The following TBC1D8 variants were observed in gnomAD, a reference collection of about 807,000 sequenced individuals.
The protein encoded by TBC1D8 is TBC1 domain family member 8.
Under a neutral mutation model 118.8 loss-of-function variants are expected in TBC1D8, and 65 were observed. The observed-to-expected ratio is 0.55, with a 90% CI of 0.45 to 0.67. TBC1D8 has a LOEUF of 0.67. Among genes scored for constraint, TBC1D8 ranks in the 30% least tolerant of loss-of-function variants. The probability of loss-of-function intolerance (pLI) is 0.00; values close to 1 mark genes in which losing one functional copy is unlikely to be tolerated. For synonymous variants in TBC1D8, 566 were observed against 595.8 expected, an observed-to-expected ratio of 0.95 and a Z score of 0.73; for missense variants, 1,376 against 1,471.2, an observed-to-expected ratio of 0.94 and a Z score of 1.06.
intron 1 of TBC1D8, among the ~76,000 whole-genome samples, chr2:101,108,538 C>T (rs1458069097): frequency 6.6e-6 from 1 of 152,164 alleles, no homozygotes; most frequent in Non-Finnish European, 1.5e-5. Flanking sequence ...TGCGCGTCTC[C>T]GAGGTCTGCT....
At chr2:101,108,107 G>T (rs563276276) in intron 1 of TBC1D8, among the ~76,000 whole-genome samples, 1 of 151,650 alleles carries the variant, frequency 6.6e-6, no homozygotes, top group South Asian at 2.1e-4. Flanking sequence ...GGGGAGGGGA[G>T]GGGAGAATGT....
intron 1 of TBC1D8, among the ~76,000 whole-genome samples, chr2:101,135,558 T>C (rs1426364438): frequency 1.3e-5 from 2 of 152,218 alleles, no homozygotes; most frequent in South Asian, 4.1e-4. Context: ...GTTGGCGTTA[T>C]GGAGTAGGTC....
intron 17 of TBC1D8, among the ~76,000 whole-genome samples, chr2:101,020,842 A>G (rs1679986907): frequency 1.3e-5 from 2 of 152,112 alleles, no homozygotes; most frequent in Admixed American, 6.5e-5. Context: ...GTATCTGCAC[A>G]AGGTCTACAC....
At chr2:101,023,076 C>T (rs1048098661) in intron 15 of TBC1D8, among the ~76,000 whole-genome samples, 17 of 151,700 alleles carry the variant, frequency 1.1e-4, no homozygotes, top group African/African-American at 3.1e-4. Context: ...ACTCCGGAGG[C>T]GGAGGTTGCA....
At chr2:101,047,237 G>A (rs1681766134) in intron 5 of TBC1D8, among the ~76,000 whole-genome samples, 1 of 152,126 alleles carries the variant, frequency 6.6e-6, no homozygotes, top group South Asian at 2.1e-4. Flanking sequence ...ATCAACCGAG[G>A]GTGACAATGC....
intron 14 of TBC1D8, 49 bp downstream of exon 14, chr2:101,027,999 G>A (rs754249221): frequency 1.3e-6 from 2 of 1,565,088 alleles, no homozygotes; most frequent in Non-Finnish European, 1.8e-6. Flanking sequence ...GCACTCCCAG[G>A]TTGGCTCCCC....
At chr2:101,105,411 A>T (rs1307081966) in intron 1 of TBC1D8, among the ~76,000 whole-genome samples, 1 of 151,948 alleles carries the variant, frequency 6.6e-6, no homozygotes, top group Non-Finnish European at 1.5e-5. Context: ...CAACATGGCG[A>T]AACCCTGTCT....
chr2:101,120,265 T>A (rs1393235610), intron 1 of TBC1D8, among the ~76,000 whole-genome samples: 1 of 152,198 alleles, frequency 6.6e-6, no homozygotes. Flanking sequence ...AAACCATCTC[T>A]CATGTGCCCG....
chr2:101,095,267 A>ATTATTATTATTAT (rs1278439167), intron 1 of TBC1D8, among the ~76,000 whole-genome samples: 3 of 149,904 alleles, frequency 2.0e-5, no homozygotes, highest in African/African-American at 2.4e-5. Flanking sequence ...TATTATTATT[A>ATTATTATTATTAT]TACTTTAAGT....
chr2:101,010,881 CAAAAAA>C (rs35511736), intron 19 of TBC1D8, 42 bp downstream of exon 19: 1 of 1,305,920 alleles, frequency 7.7e-7, no homozygotes, highest in African/African-American at 1.8e-5. Flanking sequence ...GACTCCATCT[CAAAAAA>C]AAAAAAAAAA....
At position 101,007,974 on chromosome 2, in the gene TBC1D8, A is replaced by G; in HGVS notation, c.3315T>C (p.Ala1105=). 1 of 1,614,030 alleles carries G rather than the reference A, an allele frequency of 6.2e-7. No homozygotes were observed. Among genetic ancestry groups the G allele is most frequent in the Non-Finnish European group, 8.5e-7 (1 of 1,179,892 alleles). Residue 1105 remains alanine, a synonymous_variant, in exon 20 of 20, where the codon GCT becomes GCC. Transcript: ENST00000409318. ...CTAATGACTGTTCAGTCAGAAGTGAAGCTAAAATATGTTCAAGGGAGACAG... is the reference window on the plus strand; with the variant it reads ...CTAATGACTGTTCAGTCAGAAGTGAGGCTAAAATATGTTCAAGGGAGACAG... ...DWTVSLEHIL[A]SLLTEQSLVN... is the part of the protein sequence containing the mutation.
intron 8 of TBC1D8, among the ~76,000 whole-genome samples, chr2:101,036,798 C>T (rs1478725804): frequency 6.6e-6 from 1 of 152,166 alleles, no homozygotes; most frequent in Non-Finnish European, 1.5e-5. Flanking sequence ...TCTGTATTCT[C>T]CAGTAATGGC....
chr2:101,075,415 A>C (rs1256429111), intron 2 of TBC1D8, among the ~76,000 whole-genome samples: 1 of 151,744 alleles, frequency 6.6e-6, no homozygotes, highest in Non-Finnish European at 1.5e-5. Flanking sequence ...AATGTCATAG[A>C]AGTCACAGGA....
In TBC1D8 at chr2:101,007,240, G is replaced by C. The variant is rs921218410; in HGVS notation, c.*581C>G. 3 of 152,122 alleles carry C rather than the reference G, an allele frequency of 2.0e-5. No homozygotes were observed. The highest frequency in any genetic ancestry group is 2.9e-5 in the Non-Finnish European group (2 of 68,026). The allele number at this position is 152,122 out of a possible 1,614,324, so 9.4% of individuals were successfully genotyped here. A position where few individuals can be genotyped will look rare whatever the true frequency, so the allele number is the denominator to read the frequency against. On this transcript the variant is annotated 3_prime_UTR_variant, in exon 20 of 20. Transcript: ENST00000409318. The stretch of plus-strand genomic sequence containing the variant: ...GAAAAGGACCAAGTAAATACAAAAA[G>C]TTTCTTATTAAAAAACTTGGAAGCC...
rs1195875298 is a variant in TBC1D8 at position 101,029,569 on chromosome 2, CCCAGCTGG to C, written c.2136_2143del (p.Phe712LeufsTer6). ...AGCATTGGCCTCAAGCACAGCCAGT[CCCAGCTGG>C]AAGATGGCTTTGATGCCATCATAGA... On this transcript the variant is annotated frameshift_variant, in exon 12 of 20. Coordinates refer to ENST00000409318, the MANE Select transcript of TBC1D8 (RefSeq NM_001330348.2). LOFTEE classifies it high-confidence loss of function. 1 of 1,613,954 alleles carries C rather than the reference CCCAGCTGG, an allele frequency of 6.2e-7. No individual in the cohort carries two copies. The highest frequency in any genetic ancestry group is 1.7e-5 in the Admixed American group (1 of 60,020).
intron 5 of TBC1D8, 113 bp from the exon 6 acceptor site, chr2:101,040,498 C>T: frequency 9.1e-7 from 1 of 1,099,708 alleles, no homozygotes; most frequent in Non-Finnish European, 1.3e-6. Flanking sequence ...GAGACAGAGT[C>T]TCGCTCTGTC....
At chr2:101,116,448 G>C (rs1460745564) in intron 1 of TBC1D8, among the ~76,000 whole-genome samples, 2 of 152,122 alleles carry the variant, frequency 1.3e-5, no homozygotes, top group East Asian at 1.9e-4. Flanking sequence ...ACTGGTCTGC[G>C]TGGAGATTAA....
rs551598901 is a variant in TBC1D8 at position 101,141,705 on chromosome 2, G to GT, written c.127+9421dup. Among the ~76,000 whole-genome samples, 147 of 151,610 alleles carry GT rather than the reference G, an allele frequency of 9.7e-4. 1 individual carries two copies. Among genetic ancestry groups the GT allele is most frequent in the African/African-American group, 3.4e-3 (140 of 41,292 alleles). ...ATCTGACTGCATGAAAATTAACAAT[G>GT]TGAGTTCAAAAAACCTACAATGAAA... On this transcript the variant is annotated intron_variant, in intron 1 of 19. Transcript: ENST00000409318.
chr2:101,061,931 A>G (rs1394535057), intron 2 of TBC1D8, among the ~76,000 whole-genome samples: 1 of 152,092 alleles, frequency 6.6e-6, no homozygotes, highest in Non-Finnish European at 1.5e-5. Context: ...GAAGCTTCCG[A>G]CCTTTCCCTA....
Sources: allele counts gnomAD v4.1 joint callset (sites outside exome capture counted in the v4.1 genomes callset), GRCh38; gene constraint gnomAD v4.1.1; transcripts MANE v1.5; gene names NCBI Gene and HGNC (gene_info 2026-07-23, HGNC 2026-07-21).